TNFRSF11B: variants seen among roughly 807,000 people sequenced by gnomAD.
TNFRSF11B encodes the protein TNF receptor superfamily member 11b, also known as tumor necrosis factor receptor superfamily member 11B.
A neutral mutation model predicts 43.4 loss-of-function variants in TNFRSF11B; 16 were observed. The observed-to-expected ratio is 0.37, with a 90% CI of 0.25 to 0.56. TNFRSF11B has a LOEUF of 0.56. Ranked by LOEUF, TNFRSF11B falls within the 20% of genes least tolerant of loss-of-function variation. TNFRSF11B has a pLI of 0.80. For synonymous variants in TNFRSF11B, 185 were observed against 181.8 expected (o/e 1.02, Z -0.14); for missense variants, 444 against 490.1 (o/e 0.91, Z 0.89).
At chr8:118,942,980 T>C (rs1258133047) in intron 1 of TNFRSF11B, among the ~76,000 whole-genome samples, 1 of 152,132 alleles carries the variant, frequency 6.6e-6, no homozygotes, top group Non-Finnish European at 1.5e-5. Flanking sequence ...TATTCATCCA[T>C]CCATCCATCC....
chr8:118,929,164 C>G, intron 2 of TNFRSF11B: 1 of 543,312 alleles, frequency 1.8e-6, no homozygotes, highest in Non-Finnish European at 3.3e-6. Context: ...TTCTCGTTAC[C>G]TACAAAACGC....
intron 4 of TNFRSF11B, 55 bp from the exon 5 acceptor site, chr8:118,924,817 C>T: frequency 6.2e-7 from 1 of 1,609,016 alleles, no homozygotes; most frequent in South Asian, 1.1e-5. Context: ...TCATCCAATG[C>T]CATCATAAAA....
Position 118,924,177 on chromosome 8 carries a change from T to A in TNFRSF11B, c.*197A>T. 1 of 593,296 alleles carries A rather than the reference T, an allele frequency of 1.7e-6. No individual in the cohort carries two copies. Among genetic ancestry groups the A allele is most frequent in the South Asian group, 2.1e-5 (1 of 48,758 alleles). The allele number at this position is 593,296 out of a possible 1,614,324, so 36.8% of individuals were successfully genotyped here. On this transcript the variant is annotated 3_prime_UTR_variant, in exon 5 of 5. Transcript: ENST00000297350. ...GTAGATAACGATCCAGATCTGACAG[T>A]TGGATTAACCATTTGGGGTTTATTG...
At chr8:118,936,733 T>C (rs1041374737) in intron 1 of TNFRSF11B, among the ~76,000 whole-genome samples, 40 of 152,152 alleles carry the variant, frequency 2.6e-4, no homozygotes, top group Non-Finnish European at 4.6e-4. Context: ...TGAGGTGCTG[T>C]CTGTAGAAGA....
At position 118,926,492 on chromosome 8, in the gene TNFRSF11B, A is replaced by G. The variant is rs1563688243; in HGVS notation, c.817+2T>C. 1.9e-6 allele frequency: 3 copies of G among 1,608,676 alleles called. No individual in the cohort carries two copies. The highest frequency in any genetic ancestry group is 2.6e-6 in the Non-Finnish European group (3 of 1,175,240). On this transcript the variant is annotated splice_donor_variant, in intron 4 of 4. Transcript: ENST00000297350. LOFTEE classifies it high-confidence loss of function. The stretch of plus-strand genomic sequence containing the variant: ...TGATCTTTTTATTTTAGATTATCAT[A>G]CCTTGGATGATCTTCTTGACTATAT...
At chr8:118,947,189 A>C (rs571656987) in intron 1 of TNFRSF11B, among the ~76,000 whole-genome samples, 1 of 152,186 alleles carries the variant, frequency 6.6e-6, no homozygotes, top group East Asian at 1.9e-4. Flanking sequence ...AAGAGATCAA[A>C]GTCAACATTA....
intron 1 of TNFRSF11B, among the ~76,000 whole-genome samples, chr8:118,942,820 T>C (rs1483858755): frequency 3.3e-5 from 5 of 152,048 alleles, no homozygotes; most frequent in African/African-American, 1.2e-4. Context: ...AACTGACTTT[T>C]CCCTCTCGGA....
chr8:118,947,101 A>G (rs1483200267), intron 1 of TNFRSF11B, among the ~76,000 whole-genome samples: 3 of 152,228 alleles, frequency 2.0e-5, no homozygotes, highest in Non-Finnish European at 2.9e-5. Flanking sequence ...AGGTATTGAT[A>G]TGAACCTTTA....
At chr8:118,946,713 G>A (rs1027636383) in intron 1 of TNFRSF11B, among the ~76,000 whole-genome samples, 1 of 152,038 alleles carries the variant, frequency 6.6e-6, no homozygotes. Flanking sequence ...CTCTTGGCTT[G>A]TGAAGTCATC....
chr8:118,927,143 A>AT (rs1347870289), intron 3 of TNFRSF11B, among the ~76,000 whole-genome samples: 1 of 152,188 alleles, frequency 6.6e-6, no homozygotes, highest in African/African-American at 2.4e-5. Context: ...ATAGTGTGTT[A>AT]TTTTTTGCCC....
chr8:118,939,372 C>G (rs1383084744), intron 1 of TNFRSF11B, among the ~76,000 whole-genome samples: 3 of 152,022 alleles, frequency 2.0e-5, no homozygotes, highest in Non-Finnish European at 2.9e-5. Flanking sequence ...ATCCAAAAAC[C>G]CATTCTGATT....
At chr8:118,934,608 G>C (rs1276301915) in intron 1 of TNFRSF11B, among the ~76,000 whole-genome samples, 1 of 152,152 alleles carries the variant, frequency 6.6e-6, no homozygotes, top group Admixed American at 6.5e-5. Context: ...AGGTCTTCCA[G>C]GGAGCACTGA....
rs190895892 is a variant in TNFRSF11B, at chr8:118,928,992, T to C, written c.401-63A>G. On this transcript the variant is annotated intron_variant, in intron 2 of 4. Transcript: ENST00000297350. ...AAATCGTTTCCCAGCAGATGCCCTC[T>C]TAACACAGTTTTGGAAAGACTTTTC... The C allele has an allele frequency of 2.1e-4, 308 of 1,484,858 alleles. 6 individuals are homozygous for C. The Admixed American group carries it at 5.1e-3, about 25-fold the overall frequency. 92.0% of individuals were successfully genotyped at this position (1,484,858 alleles called of 1,614,324 possible).
intron 3 of TNFRSF11B, among the ~76,000 whole-genome samples, chr8:118,927,990 CAA>C (rs1812269771): frequency 6.6e-6 from 1 of 151,416 alleles, no homozygotes; most frequent in African/African-American, 2.4e-5. Flanking sequence ...CCATAGGTAA[CAA>C]AGCCAAGTAC....
In TNFRSF11B at chr8:118,926,545, A is replaced by C. The variant is rs368397401; in HGVS notation, c.766T>G (p.Leu256Val). 4.3e-6 allele frequency: 7 copies of C among 1,614,096 alleles called. No individual in the cohort carries two copies. The highest frequency in any genetic ancestry group is 5.9e-6 in the Non-Finnish European group (7 of 1,180,000). Residue 256 changes from leucine to valine, a missense_variant, in exon 4 of 5, where the codon TTA becomes GTA. Coordinates refer to ENST00000297350, the MANE Select transcript of TNFRSF11B (RefSeq NM_002546.4). ...TGGTCTTTGTTTTGATGTTTCCATA[A>C]CTTCAGCAGCTGGAAAGTCTGTTCT... The part of the protein sequence containing the change: ...SQEQTFQLLK[L>V]WKHQNKDQDI...
In TNFRSF11B at chr8:118,933,087, A is replaced by G; in HGVS notation, c.244T>C (p.Tyr82His). The change falls in exon 2 of 5, where the codon TAC (tyrosine) becomes CAC (histidine). Residue 82 changes from tyrosine to histidine, a missense_variant. Coordinates refer to ENST00000297350, the MANE Select transcript of TNFRSF11B (RefSeq NM_002546.4). ...DSWHTSDECL[Y>H]CSPVCKELQY... is the part of the protein sequence containing the mutation. ...AGCTCCTTGCACACGGGGCTGCAGTATAGACACTCGTCACTGGTGTGCCAG... is the reference window on the plus strand; with the variant it reads ...AGCTCCTTGCACACGGGGCTGCAGTGTAGACACTCGTCACTGGTGTGCCAG... 6.2e-7 allele frequency: 1 copy of G among 1,614,220 alleles called. No individual in the cohort carries two copies. Among genetic ancestry groups the G allele is most frequent in the Non-Finnish European group, 8.5e-7 (1 of 1,180,048 alleles).
chr8:118,941,493 C>T (rs1812485015), intron 1 of TNFRSF11B, among the ~76,000 whole-genome samples: 1 of 152,094 alleles, frequency 6.6e-6, no homozygotes, highest in African/African-American at 2.4e-5. Context: ...ATTTTGCTTC[C>T]CTTGAGGCTG....
At chr8:118,928,977 C>A (rs778019386) in intron 2 of TNFRSF11B, 48 bp from the exon 3 acceptor site, 32 of 1,551,918 alleles carry the variant, frequency 2.1e-5, no homozygotes, top group African/African-American at 2.7e-5. Flanking sequence ...AAATCGTTTC[C>A]CAGCAGATGC....
At chr8:118,944,218 C>G (rs1429904843) in intron 1 of TNFRSF11B, among the ~76,000 whole-genome samples, 1 of 152,114 alleles carries the variant, frequency 6.6e-6, no homozygotes, top group Admixed American at 6.6e-5. Context: ...CAGACATAGT[C>G]AAGTCCCTAG....
Sources: allele counts gnomAD v4.1 joint callset (sites outside exome capture counted in the v4.1 genomes callset), GRCh38; gene constraint gnomAD v4.1.1; transcripts MANE v1.5; gene names NCBI Gene and HGNC (gene_info 2026-07-23, HGNC 2026-07-21).